The following CEP44 variants were observed in gnomAD, a reference collection of about 807,000 sequenced individuals.
CEP44 encodes centrosomal protein of 44 kDa.
In CEP44, 45 loss-of-function variants were observed where a neutral mutation model predicts 46.7. The ratio of observed to expected loss-of-function variants is 0.96; its 90% CI spans 0.76 to 1.24. CEP44 has a LOEUF of 1.24. CEP44 is among the 50% of genes most tolerant of loss of function. CEP44 has a pLI of 0.00. For missense variants in CEP44, 475 were observed against 459.7 expected, an observed-to-expected ratio of 1.03 and a Z score of -0.30; for synonymous variants, 142 against 146.0, an observed-to-expected ratio of 0.97 and a Z score of 0.20.
intron 1 of CEP44, among the ~76,000 whole-genome samples, chr4:174,291,550 T>G (rs762938593): frequency 8.5e-5 from 13 of 152,106 alleles, no homozygotes; most frequent in Admixed American, 2.0e-4. Flanking sequence ...TTCAATGAGA[T>G]TTACGTGCCA....
Position 174,304,416 on chromosome 4 carries a change from T to C in CEP44, c.507+47T>C, listed in dbSNP as rs748262806. 26 of 1,586,226 alleles carry C rather than the reference T, an allele frequency of 1.6e-5. No homozygotes were observed. The South Asian group carries it at 3.1e-4, about 19-fold the overall frequency. ...ATCATATTGTTTAAGAGTTATCTAA[T>C]TAATCCAATATACAGTTTTCACTTT... On this transcript the variant is annotated intron_variant, in intron 6 of 11. Transcript: ENST00000503780.
chr4:174,288,791 G>A lies in CEP44; in HGVS notation c.-148+4848G>A, dbSNP rs541442997. Among the ~76,000 whole-genome samples, 1 of 152,198 alleles carries A rather than the reference G, an allele frequency of 6.6e-6. No homozygotes were observed. The highest frequency in any genetic ancestry group is 1.9e-4 in the East Asian group (1 of 5,170). On this transcript the variant is annotated intron_variant, in intron 1 of 11. Coordinates refer to ENST00000503780, the MANE Select transcript of CEP44 (RefSeq NM_001040157.3). This position sits in a 1 kb window ranked among gnomAD's most constrained non-coding sequence, Gnocchi z 4.6. ...GGACTTAAAATACTACGCTGAATAG[G>A]AGAGGCTAAAGTAGGCAACCTTGCC...
At chr4:174,299,526 C>T (rs1739467737) in intron 3 of CEP44, among the ~76,000 whole-genome samples, 2 of 152,158 alleles carry the variant, frequency 1.3e-5, no homozygotes. Flanking sequence ...CTACCATTCT[C>T]TCATATTCAG....
Position 174,310,465 on chromosome 4 carries a change from G to T in CEP44, c.886-318G>T, listed in dbSNP as rs1328241005. On this transcript the variant is annotated intron_variant, in intron 8 of 11. Transcript: ENST00000503780. The surrounding 1 kb of genome is among the most constrained non-coding windows in gnomAD (Gnocchi z 4.2). ...TTCACTCATTTACTTCAATCATATT[G>T]TGAATTTCATAGAATAGTTACCAGA... Among the ~76,000 whole-genome samples the T allele has an allele frequency of 6.6e-6, 1 of 151,726 alleles. No homozygotes were observed. The highest frequency in any genetic ancestry group is 1.5e-5 in the Non-Finnish European group (1 of 67,838).
intron 1 of CEP44, among the ~76,000 whole-genome samples, chr4:174,293,346 G>T (rs1485850457): frequency 2.0e-5 from 3 of 152,162 alleles, no homozygotes; most frequent in Non-Finnish European, 4.4e-5. Context: ...ACTCCAGAAG[G>T]ATGTCACAGC....
intron 1 of CEP44, among the ~76,000 whole-genome samples, chr4:174,292,854 C>A (rs1455129043): frequency 2.0e-5 from 3 of 152,028 alleles, no homozygotes; most frequent in Non-Finnish European, 4.4e-5. Flanking sequence ...ATTTTGAATT[C>A]TTTGTCAAGC....
In CEP44 at chr4:174,287,155, T is replaced by G. The variant is rs981066324; in HGVS notation, c.-148+3212T>G. On this transcript the variant is annotated intron_variant, in intron 1 of 11. Coordinates refer to ENST00000503780, the MANE Select transcript of CEP44 (RefSeq NM_001040157.3). The surrounding 1 kb of genome is among the most constrained non-coding windows in gnomAD (Gnocchi z 5.1). ...GTGTATTCCTTCTATTTCTAGGCCA[T>G]TGGGATATAGGTCGTTATGGGACCC... Among the ~76,000 whole-genome samples, 1 of 152,128 alleles carries G rather than the reference T, an allele frequency of 6.6e-6. No homozygotes were observed. The highest frequency in any genetic ancestry group is 2.4e-5 in the African/African-American group (1 of 41,424).
In CEP44 at chr4:174,288,015, A is replaced by C. The variant is rs983496464; in HGVS notation, c.-148+4072A>C. On this transcript the variant is annotated intron_variant, in intron 1 of 11. Transcript: ENST00000503780. The surrounding 1 kb of genome is among the most constrained non-coding windows in gnomAD (Gnocchi z 4.6). ...GTAGTCCAGGCCCTTAATTAAGTAGATAACACACTCAGAAGGAGAAAATTT... is the reference window on the plus strand; with the variant it reads ...GTAGTCCAGGCCCTTAATTAAGTAGCTAACACACTCAGAAGGAGAAAATTT... Among the ~76,000 whole-genome samples the C allele has an allele frequency of 6.6e-6, 1 of 152,232 alleles. No homozygotes were observed. Among genetic ancestry groups the C allele is most frequent in the African/African-American group, 2.4e-5 (1 of 41,462 alleles).
intron 1 of CEP44, among the ~76,000 whole-genome samples, chr4:174,289,921 C>A (rs892514360): frequency 6.6e-6 from 1 of 151,740 alleles, no homozygotes; most frequent in Admixed American, 6.6e-5. Context: ...TTACTGCAAC[C>A]TCCGCCTCCC....
chr4:174,315,094 T>A (rs906800691), intron 9 of CEP44, among the ~76,000 whole-genome samples: 5 of 152,170 alleles, frequency 3.3e-5, no homozygotes, highest in Admixed American at 2.6e-4. Context: ...CAAAAGAGAC[T>A]GTGGCTCTAT....
chr4:174,313,257 AT>A (rs1741291935), intron 9 of CEP44, among the ~76,000 whole-genome samples: 1 of 151,858 alleles, frequency 6.6e-6, no homozygotes, highest in Admixed American at 6.6e-5. Context: ...TCATGAAATT[AT>A]TTATATTCAT....
chr4:174,332,376 G>C (rs1731363556), exon 9 of CEP44: 1 of 152,210 alleles, frequency 6.6e-6, no homozygotes, highest in African/African-American at 2.4e-5. Flanking sequence ...CTCATTCTCT[G>C]ACCATGCAAC....
At chr4:174,295,122 G>C (rs558152278) in intron 1 of CEP44, among the ~76,000 whole-genome samples, 134 of 149,398 alleles carry the variant, frequency 9.0e-4, no homozygotes, top group African/African-American at 3.1e-3. Flanking sequence ...CTGGCCTGGC[G>C]GGGGCTGACC....
rs146686427 is a variant in CEP44, at chr4:174,318,081, G to T, written c.*698G>T. The T allele has an allele frequency of 8.1e-6, 8 of 984,934 alleles. No individual in the cohort carries two copies. In the African/African-American group the frequency reaches 1.2e-4, roughly 15 times the overall value. 61.0% of individuals were successfully genotyped at this position (984,934 alleles called of 1,614,324 possible). Reference sequence around the variant, plus strand: ...CTATTGTATAATTTTTTTGGAGGGGGGGATGGAGTTTCGCTGTTGTTGCCC... The same window carrying T: ...CTATTGTATAATTTTTTTGGAGGGGTGGATGGAGTTTCGCTGTTGTTGCCC... On this transcript the variant is annotated 3_prime_UTR_variant, in exon 12 of 12. Transcript: ENST00000503780.
In CEP44 at chr4:174,303,837, C is replaced by T. The variant is rs780974988; in HGVS notation, c.372C>T (p.Ser124=). Residue 124 remains serine, a synonymous_variant, in exon 5 of 12, where the codon AGC becomes AGT. Transcript: ENST00000503780. ...TGATGAAAAAGCACAAGGAATTAAG[C>T]AGTCTTCAGAAGGTAATTTTATGAA... is the stretch of plus-strand genomic sequence containing the variant. ...NCVMKKHKEL[S]SLQKIPSQQR... is the part of the protein sequence containing the mutation. 8 of 1,556,594 alleles carry T rather than the reference C, an allele frequency of 5.1e-6. No individual in the cohort carries two copies. The South Asian group carries it at 7.2e-5, about 14-fold the overall frequency.
In CEP44 at chr4:174,325,910, T is replaced by G. The variant is rs1742632669; in HGVS notation, c.1087-5572T>G. Among the ~76,000 whole-genome samples the G allele has an allele frequency of 6.6e-6, 1 of 152,182 alleles. No individual in the cohort carries two copies. On this transcript the variant is annotated intron_variant, in intron 8 of 8. Transcript: ENST00000426172. The surrounding 1 kb of genome is among the most constrained non-coding windows in gnomAD (Gnocchi z 4.4). ...TATTCCAGATTTCTCTTAGGAAGTGTTACTACAGTATTTATTTCCCATCTT... is the reference window on the plus strand; with the variant it reads ...TATTCCAGATTTCTCTTAGGAAGTGGTACTACAGTATTTATTTCCCATCTT...
downstream of CEP44, among the ~76,000 whole-genome samples, chr4:174,321,282 C>T (rs17060465): frequency 0.36 from 53,998 of 151,934 alleles, 10,103 homozygotes; most frequent in East Asian, 0.51. Flanking sequence ...TCAGATTCTC[C>T]GGAATTGCTT....
In CEP44 at chr4:174,318,963, T is replaced by C. The variant is rs1218421490; in HGVS notation, c.*1580T>C. On this transcript the variant is annotated 3_prime_UTR_variant, in exon 12 of 12. Coordinates refer to ENST00000503780, the MANE Select transcript of CEP44 (RefSeq NM_001040157.3). ...TAGCTGGGACTATAGGCCTGTACCG[T>C]CATGCCTGGCTAATTTTTGTATTTT... 2.0e-5 allele frequency: 5 copies of C among 245,758 alleles called. No individual in the cohort carries two copies. Among genetic ancestry groups the C allele is most frequent in the Non-Finnish European group, 3.2e-5 (5 of 153,932 alleles). 15.2% of individuals were successfully genotyped at this position (245,758 alleles called of 1,614,324 possible).
At position 174,314,896 on chromosome 4, in the gene CEP44, C is replaced by T. The variant is rs570354917; in HGVS notation, c.962-1270C>T. On this transcript the variant is annotated intron_variant, in intron 9 of 11. Transcript: ENST00000503780. This position sits in a 1 kb window ranked among gnomAD's most constrained non-coding sequence, Gnocchi z 4.1. ...ACACCTGACCCAGAGAATTCCAGTT[C>T]AAAGTGTGATGAGTCAAATTACATT... Among the ~76,000 whole-genome samples, 77 of 152,264 alleles carry T rather than the reference C, an allele frequency of 5.1e-4. No individual in the cohort carries two copies. The highest frequency in any genetic ancestry group is 9.6e-4 in the Non-Finnish European group (65 of 68,014).
Sources: allele counts gnomAD v4.1 joint callset (sites outside exome capture counted in the v4.1 genomes callset), GRCh38; gene constraint gnomAD v4.1.1; non-coding constraint Gnocchi (gnomAD v3.1); transcripts MANE v1.5; gene names NCBI Gene and HGNC (gene_info 2026-07-23, HGNC 2026-07-21).